The following NWD1 variants were observed in gnomAD, a reference collection of about 807,000 sequenced individuals.
The protein encoded by NWD1 is NACHT and WD repeat domain containing 1, also known as NACHT domain- and WD repeat-containing protein 1.
NWD1 carries 129 observed loss-of-function variants against 135.1 expected under a neutral mutation model. That is an observed-to-expected ratio of 0.96 (90% CI 0.83 to 1.11). NWD1 has a LOEUF of 1.11. Ranked by LOEUF, NWD1 falls within the 50% of genes least tolerant of loss-of-function variation. The pLI, the probability that NWD1 is intolerant of heterozygous loss-of-function variation, is 0.00. For synonymous variants in NWD1, 773 were observed against 786.0 expected, an observed-to-expected ratio of 0.98 and a Z score of 0.28; for missense variants, 1,740 against 1,851.3, an observed-to-expected ratio of 0.94 and a Z score of 1.10.
intron 4 of NWD1, among the ~76,000 whole-genome samples, chr19:16,744,220 C>A (rs1416648402): frequency 6.6e-6 from 1 of 152,028 alleles, no homozygotes; most frequent in Admixed American, 6.6e-5. Context: ...GAGACCCTAT[C>A]TGTACCGAAA....
At chr19:16,761,929 T>G in intron 7 of NWD1, 50 bp from the exon 8 acceptor site, 84 of 1,534,604 alleles carry the variant, frequency 5.5e-5, no homozygotes, top group Non-Finnish European at 6.8e-5. Context: ...CAGCCACCTT[T>G]GAGCTTGATG....
At chr19:16,780,977 G>A (rs1969833982) in intron 12 of NWD1, among the ~76,000 whole-genome samples, 3 of 152,076 alleles carry the variant, frequency 2.0e-5, no homozygotes, top group African/African-American at 4.8e-5. Flanking sequence ...ATTTTTTGAT[G>A]GGAGGAGCTG....
intron 12 of NWD1, among the ~76,000 whole-genome samples, chr19:16,785,801 C>A (rs1453670037): frequency 4.7e-5 from 7 of 147,992 alleles, no homozygotes; most frequent in African/African-American, 1.5e-4. Context: ...TAAATATATA[C>A]TATATATATA....
In NWD1 at chr19:16,794,521, T is replaced by A. The variant is rs769896278; in HGVS notation, c.3272T>A (p.Val1091Glu). Residue 1091 changes from valine to glutamate, a missense_variant, in exon 15 of 19, where the codon GTG becomes GAG. Physicochemically the swap from Val to Glu is moderately radical, Grantham distance 121. Coordinates refer to ENST00000524140, the MANE Select transcript of NWD1 (RefSeq NM_001007525.5). ...CTTCCAGATGCTGTGAGGTTCCTGG[T>A]GGTCTCTGAAGATGAGTCCCTCCTC... The part of the protein sequence containing the change: ...EKLPDAVRFL[V>E]VSEDESLLAA... 7 of 1,611,438 alleles carry A rather than the reference T, an allele frequency of 4.3e-6. No homozygotes were observed. The highest frequency in any genetic ancestry group is 5.9e-6 in the Non-Finnish European group (7 of 1,178,636).
In NWD1 at chr19:16,750,281, G is replaced by T. The variant is rs371674563; in HGVS notation, c.1639G>T (p.Ala547Ser). 3.1e-6 allele frequency: 5 copies of T among 1,613,504 alleles called. No homozygotes were observed. In the African/African-American group the frequency reaches 6.7e-5, roughly 22 times the overall value. Residue 547 changes from alanine to serine, a missense_variant, in exon 6 of 19, where the codon GCC becomes TCC. Physicochemically the swap from Ala to Ser is moderately conservative, Grantham distance 99. Coordinates refer to ENST00000524140, the MANE Select transcript of NWD1 (RefSeq NM_001007525.5). ...GGCGTTTGAGGAAGCCCGGAAATGG[G>T]CCTCTTTCACCGTGCCTGTCCCGCT... is the stretch of plus-strand genomic sequence containing the variant. ...RLAFEEARKW[A>S]SFTVPVPLAT...
At chr19:16,762,486 G>A (rs1317982793) in intron 8 of NWD1, among the ~76,000 whole-genome samples, 2 of 151,588 alleles carry the variant, frequency 1.3e-5, no homozygotes, top group African/African-American at 2.4e-5. Context: ...TAGTAGAGAC[G>A]GGGTTTCACC....
rs774399530 is a variant in NWD1, at chr19:16,773,337, G to A, written c.2608+14G>A. On this transcript the variant is annotated intron_variant, in intron 11 of 18. Transcript: ENST00000524140. The stretch of plus-strand genomic sequence containing the variant: ...GCTGTCACAAAGGTGAGTCTCCCCA[G>A]CATAGCAAAAATCCCAGCAGGCACC... 3.1e-6 allele frequency: 5 copies of A among 1,606,336 alleles called. No individual in the cohort carries two copies. The highest frequency in any genetic ancestry group is 2.7e-5 in the African/African-American group (2 of 74,800).
At chr19:16,809,407 A>G (rs552912547) in intron 18 of NWD1, among the ~76,000 whole-genome samples, 46 of 152,174 alleles carry the variant, frequency 3.0e-4, no homozygotes, top group African/African-American at 1.0e-3. Flanking sequence ...ATTTTTAAAA[A>G]TCTAAAATGA....
At position 16,725,326 on chromosome 19, in the gene NWD1, T is replaced by A. The variant is rs77025590; in HGVS notation, c.-7+863T>A. ...GACTCTACACAAATTTTTTTTTTTTTAATTAACCAGACGTGATGGTGCACA... is the reference window on the plus strand; with the variant it reads ...GACTCTACACAAATTTTTTTTTTTTAAATTAACCAGACGTGATGGTGCACA... On this transcript the variant is annotated intron_variant, in intron 2 of 18. Transcript: ENST00000524140. 3.8e-4 allele frequency among the ~76,000 whole-genome samples: 58 copies of A among 151,676 alleles called. No homozygotes were observed. In the South Asian group the frequency reaches 0.012, roughly 31 times the overall value.
intron 11 of NWD1, among the ~76,000 whole-genome samples, chr19:16,774,831 A>T (rs745659555): frequency 6.7e-6 from 1 of 150,238 alleles, no homozygotes; most frequent in Non-Finnish European, 1.5e-5. Context: ...TCTTCATCTG[A>T]TCATCTTCCA....
chr19:16,776,562 C>T (rs566114556), intron 11 of NWD1, among the ~76,000 whole-genome samples: 124 of 139,578 alleles, frequency 8.9e-4, no homozygotes, highest in African/African-American at 3.3e-3. Context: ...AGTAAAACTC[C>T]GTCTCACAAA....
intron 6 of NWD1, among the ~76,000 whole-genome samples, chr19:16,756,210 C>T (rs1486686525): frequency 6.6e-6 from 1 of 152,008 alleles, no homozygotes; most frequent in East Asian, 1.9e-4. Context: ...CTAGATCACG[C>T]CATTGCACTT....
chr19:16,781,830 C>T (rs890606477), intron 12 of NWD1, among the ~76,000 whole-genome samples: 1 of 151,962 alleles, frequency 6.6e-6, no homozygotes, highest in African/African-American at 2.4e-5. Flanking sequence ...CAGTGGCTCA[C>T]GCTTGTAATC....
chr19:16,786,718 C>T (rs967452537), intron 12 of NWD1, among the ~76,000 whole-genome samples: 12 of 151,688 alleles, frequency 7.9e-5, no homozygotes, highest in Admixed American at 2.0e-4. Flanking sequence ...AGCTAACTTT[C>T]GTATTTTTAG....
At position 16,771,688 on chromosome 19, in the gene NWD1, C is replaced by A. The variant is rs1015870867; in HGVS notation, c.2411-1438C>A. ...CTTGATTGACAACCTGTGGCTCCCCCAGCACAAGGAGGAGGTGTAGGAACA... is the reference window on the plus strand; with the variant it reads ...CTTGATTGACAACCTGTGGCTCCCCAAGCACAAGGAGGAGGTGTAGGAACA... On this transcript the variant is annotated intron_variant, in intron 10 of 18. Coordinates refer to ENST00000524140, the MANE Select transcript of NWD1 (RefSeq NM_001007525.5). Among the ~76,000 whole-genome samples, 5 of 152,110 alleles carry A rather than the reference C, an allele frequency of 3.3e-5. No individual in the cohort carries two copies. The South Asian group carries it at 1.0e-3, about 32-fold the overall frequency.
At chr19:16,744,926 T>C (rs1212339742) in intron 5 of NWD1, 1 of 653,306 alleles carries the variant, frequency 1.5e-6, no homozygotes, top group Non-Finnish European at 2.8e-6. Flanking sequence ...TCTCAGGATC[T>C]TCCTCTCCTC....
At chr19:16,813,973 G>A (rs530103218) in intron 18 of NWD1, among the ~76,000 whole-genome samples, 17 of 151,560 alleles carry the variant, frequency 1.1e-4, no homozygotes, top group Non-Finnish European at 1.5e-4. Context: ...ACAACATAGC[G>A]AGACTCTGTC....
Position 16,750,269 on chromosome 19 carries a change from G to A in NWD1, c.1627G>A (p.Ala543Thr). ...PGRLRLAFEE[A>T]RKWASFTVPV... Reference sequence around the variant, plus strand: ...GCGGCTGAGGCTGGCGTTTGAGGAAGCCCGGAAATGGGCCTCTTTCACCGT... The same window carrying A: ...GCGGCTGAGGCTGGCGTTTGAGGAAACCCGGAAATGGGCCTCTTTCACCGT... The change falls in exon 6 of 19, where the codon GCC becomes ACC. Residue 543 changes from alanine to threonine, a missense_variant. Ala to Thr is a moderately conservative substitution (Grantham distance 58). Transcript: ENST00000524140. The A allele has an allele frequency of 6.2e-7, 1 of 1,613,614 alleles. No individual in the cohort carries two copies. Among genetic ancestry groups the A allele is most frequent in the Non-Finnish European group, 8.5e-7 (1 of 1,179,878 alleles).
chr19:16,774,050 C>G (rs73521273), intron 11 of NWD1, among the ~76,000 whole-genome samples: 6,640 of 151,420 alleles, frequency 0.044, 463 homozygotes, highest in African/African-American at 0.15. Context: ...TCCCACCCTT[C>G]CATTCATCTA....
Sources: gnomAD v4.1 joint callset for allele counts (sites outside exome capture counted in the v4.1 genomes callset) on GRCh38, gnomAD v4.1.1 for gene constraint, MANE v1.5 for transcripts, NCBI Gene and HGNC (gene_info 2026-07-23, HGNC 2026-07-21) for gene names.